Variants in SETD1A observed in about 807,000 individuals in gnomAD.
The protein encoded by SETD1A is SET domain containing 1A, histone lysine methyltransferase, also known as histone-lysine N-methyltransferase SETD1A.
In SETD1A, 29 loss-of-function variants were observed where a neutral mutation model predicts 149.9. That is an observed-to-expected ratio of 0.19 (90% CI 0.14 to 0.26). The LOEUF (loss-of-function observed/expected upper bound fraction) is 0.26, where lower values mean the gene tolerates loss of function less well. Ranked by LOEUF, SETD1A falls within the 10% of genes least tolerant of loss-of-function variation. The pLI, the probability that SETD1A is intolerant of heterozygous loss-of-function variation, is 1.00. For missense variants in SETD1A, 2,109 were observed against 2,353.1 expected, an observed-to-expected ratio of 0.90 and a Z score of 2.15; for synonymous variants, 1,141 against 968.5, an observed-to-expected ratio of 1.18 and a Z score of -3.31.
At chr16:30,976,258 G>T (rs1266975723) in intron 13 of SETD1A, among the ~76,000 whole-genome samples, 2 of 152,168 alleles carry the variant, frequency 1.3e-5, no homozygotes, top group African/African-American at 4.8e-5. Flanking sequence ...AGTGGCACAT[G>T]CCTGTGGTCC....
chr16:30,969,253 A>G (rs1284896079), intron 10 of SETD1A, 52 bp from the exon 11 acceptor site: 40 of 1,569,432 alleles, frequency 2.5e-5, no homozygotes, highest in Non-Finnish European at 3.2e-5. Flanking sequence ...GCACAGGGCA[A>G]GTATCTTGTG....
rs749103047 is a variant in SETD1A at position 30,980,149 on chromosome 16, A to G, written c.4363A>G (p.Ser1455Gly). The change falls in exon 14 of 19, where the codon AGC (serine) becomes GGC (glycine). Residue 1455 changes from serine (S) to glycine (G), a missense_variant. Ser to Gly is a moderately conservative substitution (Grantham distance 56). Transcript: ENST00000262519. The surrounding 1 kb of genome is among the most constrained non-coding windows in gnomAD (Gnocchi z 7.7). ...LTYERLLQQT[S>G]GADWLNDTHW... ...GTACGAGCGGCTGCTGCAGCAGACA[A>G]GCGGGGCTGACTGGCTCAACGACAC... 2 of 1,610,594 alleles carry G rather than the reference A, an allele frequency of 1.2e-6. No individual in the cohort carries two copies. Among genetic ancestry groups the G allele is most frequent in the Admixed American group, 1.7e-5 (1 of 58,900 alleles).
chr16:30,979,252 C>A lies in SETD1A; in HGVS notation c.3466C>A (p.Pro1156Thr). The change falls in exon 14 of 19, where the codon CCC becomes ACC. Residue 1156 changes from proline (P) to threonine (T), a missense_variant. Pro to Thr is a conservative substitution (Grantham distance 38). Coordinates refer to ENST00000262519, the MANE Select transcript of SETD1A (RefSeq NM_014712.3). ...CGATGAGCGTCCCTCTTCTCCCATCCCCCTCCTGCCCCCACCCAAGAAACG... is the reference window on the plus strand; with the variant it reads ...CGATGAGCGTCCCTCTTCTCCCATCACCCTCCTGCCCCCACCCAAGAAACG... The part of the protein sequence containing the change: ...RPDERPSSPI[P>T]LLPPPKKRRK... 1 of 1,610,132 alleles carries A rather than the reference C, an allele frequency of 6.2e-7. No individual in the cohort carries two copies. Among genetic ancestry groups the A allele is most frequent in the Non-Finnish European group, 8.5e-7 (1 of 1,177,658 alleles).
intron 12 of SETD1A, 149 bp from the exon 13 acceptor site, chr16:30,971,229 A>G (rs1358066726): frequency 2.6e-6 from 2 of 768,726 alleles, no homozygotes; most frequent in Non-Finnish European, 4.2e-6. Flanking sequence ...TCACAGTGAA[A>G]ATGGTTTGCT....
rs757052770 is a variant in SETD1A at position 30,980,592 on chromosome 16, GAGA to G, written c.4519_4521del (p.Lys1507del). On this transcript the variant is annotated inframe_deletion, in exon 15 of 19. Coordinates refer to ENST00000262519, the MANE Select transcript of SETD1A (RefSeq NM_014712.3). The surrounding 1 kb of genome is among the most constrained non-coding windows in gnomAD (Gnocchi z 7.7). ...AGGCTACTACCCCATCAGCAAGAAG[GAGA>G]AGGACAAGTACCTGGACGTGTGCCC... is the stretch of plus-strand genomic sequence containing the variant. 6.2e-7 allele frequency: 1 copy of G among 1,614,086 alleles called. No individual in the cohort carries two copies.
chr16:30,979,592 C>T lies in SETD1A; in HGVS notation c.3806C>T (p.Pro1269Leu). 1 of 1,610,960 alleles carries T rather than the reference C, an allele frequency of 6.2e-7. No individual in the cohort carries two copies. Among genetic ancestry groups the T allele is most frequent in the Non-Finnish European group, 8.5e-7 (1 of 1,179,694 alleles). Residue 1269 changes from proline (P) to leucine (L), a missense_variant, in exon 14 of 19, where the codon CCT becomes CTT. Physicochemically the swap from Pro to Leu is moderately conservative, Grantham distance 98. Around this residue, in one of 8 missense-constraint regions of SETD1A, gnomAD observed 832 missense variants for 815.6 expected, o/e 1.02. Transcript: ENST00000262519. ...CTGACCCCTGCCCGGCGCGGGCTGC[C>T]TGCCCTGCCTGCTGTTGAAGACTCA... is the stretch of plus-strand genomic sequence containing the variant. ...LALTPARRGL[P>L]ALPAVEDSEA...
At position 30,980,666 on chromosome 16, in the gene SETD1A, A is replaced by G. The variant is rs1388379907; in HGVS notation, c.4581+9A>G. 4.3e-6 allele frequency: 7 copies of G among 1,610,856 alleles called. No homozygotes were observed. The highest frequency in any genetic ancestry group is 5.9e-6 in the Non-Finnish European group (7 of 1,179,262). ...AGGGCGTGGACACTCAGGTGGGCCT[A>G]ACCCCGCCGCCGCGTCCTCCTGCCA... is the stretch of plus-strand genomic sequence containing the variant. On this transcript the variant is annotated intron_variant, in intron 15 of 18. Coordinates refer to ENST00000262519, the MANE Select transcript of SETD1A (RefSeq NM_014712.3). This position sits in a 1 kb window ranked among gnomAD's most constrained non-coding sequence, Gnocchi z 7.7.
In SETD1A at chr16:30,984,207, A is replaced by G. The variant is rs11076; in HGVS notation, c.*184A>G. On this transcript the variant is annotated 3_prime_UTR_variant, in exon 19 of 19. Transcript: ENST00000262519. ...GGAGGCAGCTTCTGCCTCTCCTGTC[A>G]CCCCTGCCCACCACCCCCTGATTGT... 345,897 of 582,774 alleles carry G rather than the reference A, an allele frequency of 0.59. 109,234 individuals carry two copies. Among genetic ancestry groups the G allele is most frequent in the East Asian group, 0.91 (31,936 of 35,126 alleles). The allele number at this position is 582,774 out of a possible 1,614,324, so 36.1% of individuals were successfully genotyped here.
chr16:30,971,988 G>A (rs1190692570), intron 13 of SETD1A, among the ~76,000 whole-genome samples: 1 of 152,174 alleles, frequency 6.6e-6, no homozygotes, highest in Non-Finnish European at 1.5e-5. Flanking sequence ...TAAGGAGAAA[G>A]TGCCCAGTTG....
chr16:30,984,215 C>A lies in SETD1A; in HGVS notation c.*192C>A. The stretch of plus-strand genomic sequence containing the variant: ...CTTCTGCCTCTCCTGTCACCCCTGC[C>A]CACCACCCCCTGATTGTTTTTCTTT... On this transcript the variant is annotated 3_prime_UTR_variant, in exon 19 of 19. Transcript: ENST00000262519. 2 of 580,820 alleles carry A rather than the reference C, an allele frequency of 3.4e-6. No homozygotes were observed. The highest frequency in any genetic ancestry group is 5.7e-5 in the East Asian group (2 of 34,992). 36.0% of individuals were successfully genotyped at this position (580,820 alleles called of 1,614,324 possible).
chr16:30,980,636 G>A lies in SETD1A; in HGVS notation c.4560G>A (p.Gln1520=), dbSNP rs1270330590. 1.2e-5 allele frequency: 20 copies of A among 1,613,332 alleles called. No individual in the cohort carries two copies. The Admixed American group carries it at 3.2e-4, about 26-fold the overall frequency. The change falls in exon 15 of 19, where the codon CAG becomes CAA. Residue 1520 remains glutamine, a synonymous_variant. Coordinates refer to ENST00000262519, the MANE Select transcript of SETD1A (RefSeq NM_014712.3). This position sits in a 1 kb window ranked among gnomAD's most constrained non-coding sequence, Gnocchi z 7.7. ...ACGTGTGCCCAGTCTCGGCCCGGCA[G>A]CTGGAGGGCGTGGACACTCAGGTGG... is the stretch of plus-strand genomic sequence containing the variant. ...YLDVCPVSAR[Q]LEGVDTQGTN...
chr16:30,983,691 C>T lies in SETD1A; in HGVS notation c.4869C>T (p.Tyr1623=). 6 of 1,614,082 alleles carry T rather than the reference C, an allele frequency of 3.7e-6. No homozygotes were observed. Among genetic ancestry groups the T allele is most frequent in the South Asian group, 1.1e-5 (1 of 91,056 alleles). The change falls in exon 18 of 19, where the codon TAC becomes TAT. Residue 1623 remains tyrosine (Y), a synonymous_variant. Transcript: ENST00000262519. The surrounding 1 kb of genome is among the most constrained non-coding windows in gnomAD (Gnocchi z 6.8). ...RYVQEGIGSS[Y]LFRVDHDTII... ...TGCAGGAGGGCATTGGCAGCAGCTACCTGTTCCGGGTGGACCACGACACCA... is the reference window on the plus strand; with the variant it reads ...TGCAGGAGGGCATTGGCAGCAGCTATCTGTTCCGGGTGGACCACGACACCA...
chr16:30,960,730 C>CTTTTTTTT (rs71374043), intron 3 of SETD1A, among the ~76,000 whole-genome samples: 360 of 80,550 alleles, frequency 4.5e-3, no homozygotes, highest in African/African-American at 6.0e-3. Context: ...TTCTTTCTTT[C>CTTTTTTTT]TTTTTTTTTT....
In SETD1A at chr16:30,980,914, G is replaced by A. The variant is rs2056368123; in HGVS notation, c.4692+65G>A. 1 of 1,559,666 alleles carries A rather than the reference G, an allele frequency of 6.4e-7. No homozygotes were observed. The highest frequency in any genetic ancestry group is 1.4e-5 in the African/African-American group (1 of 74,058). On this transcript the variant is annotated intron_variant, in intron 16 of 18. Coordinates refer to ENST00000262519, the MANE Select transcript of SETD1A (RefSeq NM_014712.3). The surrounding 1 kb of genome is among the most constrained non-coding windows in gnomAD (Gnocchi z 7.7). ...GGGGCAGGAAGGGGCAGAGGCCAGG[G>A]GACCACCCAGCAGGCTCCTGTGGTT...
chr16:30,979,055 G>GA, intron 13 of SETD1A, 90 bp from the exon 14 acceptor site: 1 of 1,320,216 alleles, frequency 7.6e-7, no homozygotes, highest in Non-Finnish European at 1.0e-6. Context: ...GGAAGTGGGG[G>GA]AGAGCACACA....
At chr16:30,966,799 A>G in intron 8 of SETD1A, 85 bp from the exon 9 acceptor site, 3 of 1,415,232 alleles carry the variant, frequency 2.1e-6, no homozygotes, top group Non-Finnish European at 2.8e-6. Context: ...TGCGTTCTGT[A>G]TTCCTGGGGT....
rs965309557 is a variant in SETD1A at position 30,966,397 on chromosome 16, C to T, written c.2505+11C>T. On this transcript the variant is annotated intron_variant, in intron 8 of 18. Coordinates refer to ENST00000262519, the MANE Select transcript of SETD1A (RefSeq NM_014712.3). ...GAGGAGAAGGCCAAGGTGAGGCCAG[C>T]GCCTGGGACCGGGGAGCCCTGGGCT... 23 of 1,591,944 alleles carry T rather than the reference C, an allele frequency of 1.4e-5. 1 individual carries two copies. Among genetic ancestry groups the T allele is most frequent in the African/African-American group, 5.4e-5 (4 of 74,506 alleles).
At chr16:30,977,029 C>T (rs1489070009) in intron 13 of SETD1A, among the ~76,000 whole-genome samples, 1 of 152,068 alleles carries the variant, frequency 6.6e-6, no homozygotes, top group African/African-American at 2.4e-5. Context: ...CTTACTGCAT[C>T]CTCAGCCTCC....
At chr16:30,962,745 G>A (rs945735041) in intron 4 of SETD1A, among the ~76,000 whole-genome samples, 14 of 152,200 alleles carry the variant, frequency 9.2e-5, no homozygotes, top group African/African-American at 3.4e-4. Context: ...ACAGGAGCTC[G>A]AGACCAGCCT....
Sources: gnomAD v4.1 joint callset for allele counts (sites outside exome capture counted in the v4.1 genomes callset) on GRCh38, gnomAD v4.1.1 for gene constraint, gnomAD v4.1.1 regional missense constraint, Gnocchi (gnomAD v3.1) non-coding constraint, MANE v1.5 for transcripts, NCBI Gene and HGNC (gene_info 2026-07-23, HGNC 2026-07-21) for gene names.